Variants in LRRTM2 observed in about 807,000 individuals in gnomAD.
LRRTM2 encodes leucine-rich repeat transmembrane neuronal protein 2.
In LRRTM2, 14 loss-of-function variants were observed where a neutral mutation model predicts 40.7. That is an observed-to-expected ratio of 0.34 (90% CI 0.23 to 0.54). LRRTM2 has a LOEUF of 0.54. Ranked by LOEUF, LRRTM2 falls within the 20% of genes least tolerant of loss-of-function variation. The pLI, the probability that LRRTM2 is intolerant of heterozygous loss-of-function variation, is 0.92. For missense variants in LRRTM2, 468 were observed against 624.4 expected (o/e 0.75, Z 2.67); for synonymous variants, 223 against 237.6 (o/e 0.94, Z 0.57).
chr5:138,870,980 A>G lies in LRRTM2; in HGVS notation c.*2030T>C, dbSNP rs914699306. 2 of 152,204 alleles carry G rather than the reference A, an allele frequency of 1.3e-5. No homozygotes were observed. Among genetic ancestry groups the G allele is most frequent in the Admixed American group, 6.5e-5 (1 of 15,284 alleles). The allele number at this position is 152,204 out of a possible 1,614,324, so 9.4% of individuals were successfully genotyped here. On this transcript the variant is annotated 3_prime_UTR_variant, in exon 2 of 2. Transcript: ENST00000274711. ...ATTGAACTGGGCTGAGACTTTGACA[A>G]ACTAATCTGCCCACCTTAAAAAAGA...
At position 138,874,022 on chromosome 5, in the gene LRRTM2, C is replaced by G; in HGVS notation, c.539G>C (p.Cys180Ser). Residue 180 changes from cysteine to serine, a missense_variant, in exon 2 of 2, where the codon TGT becomes TCT. By Grantham distance (112) the Cys-to-Ser change is moderately radical. Coordinates refer to ENST00000274711, the MANE Select transcript of LRRTM2 (RefSeq NM_015564.3). The surrounding 1 kb of genome is among the most constrained non-coding windows in gnomAD (Gnocchi z 4.1). ...CAAATCCAGAAACTCCAGACTACGA[C>G]AGTCCCAGAACAGGCGTACTGGGAT... ...RTIPVRLFWD[C>S]RSLEFLDLST... The G allele has an allele frequency of 6.2e-7, 1 of 1,614,014 alleles. No homozygotes were observed. The highest frequency in any genetic ancestry group is 1.6e-4 in the Middle Eastern group (1 of 6,062).
rs1283086237 is a variant in LRRTM2, at chr5:138,869,525, T to C, written c.*3485A>G. On this transcript the variant is annotated 3_prime_UTR_variant, in exon 2 of 2. Coordinates refer to ENST00000274711, the MANE Select transcript of LRRTM2 (RefSeq NM_015564.3). ...GCTGTTAAAAATATTCTTTAACAAA[T>C]TTTATATTGATATCCACACTTCAGA... is the stretch of plus-strand genomic sequence containing the variant. 1 of 152,320 alleles carries C rather than the reference T, an allele frequency of 6.6e-6. No individual in the cohort carries two copies. Among genetic ancestry groups the C allele is most frequent in the East Asian group, 1.9e-4 (1 of 5,190 alleles). 9.4% of individuals were successfully genotyped at this position (152,320 alleles called of 1,614,324 possible).
rs1201518685 is a variant in LRRTM2, at chr5:138,870,531, G to T, written c.*2479C>A. 1.3e-5 allele frequency: 2 copies of T among 152,118 alleles called. No homozygotes were observed. Among genetic ancestry groups the T allele is most frequent in the Non-Finnish European group, 2.9e-5 (2 of 68,018 alleles). The allele number at this position is 152,118 out of a possible 1,614,324, so 9.4% of individuals were successfully genotyped here. ...TGGCTGGCTTTTCCAATTTGCTTTT[G>T]TCCGTACACTAAGGATTTTGCCAGT... On this transcript the variant is annotated 3_prime_UTR_variant, in exon 2 of 2. Transcript: ENST00000274711.
In LRRTM2 at chr5:138,874,348, A is replaced by C; in HGVS notation, c.213T>G (p.Asn71Lys). Residue 71 changes from asparagine (N) to lysine (K), a missense_variant, in exon 2 of 2, where the codon AAT becomes AAG. Transcript: ENST00000274711. This position sits in a 1 kb window ranked among gnomAD's most constrained non-coding sequence, Gnocchi z 4.1. ...KGSLGLSLRH[N>K]HITELERDQF... Reference sequence around the variant, plus strand: ...GATCTCTTTCGAGCTCTGTGATGTGATTGTGCCTCAGGGACAGGCCCAGAG... The same window carrying C: ...GATCTCTTTCGAGCTCTGTGATGTGCTTGTGCCTCAGGGACAGGCCCAGAG... The C allele has an allele frequency of 1.2e-6, 2 of 1,613,996 alleles. No homozygotes were observed. The highest frequency in any genetic ancestry group is 1.7e-6 in the Non-Finnish European group (2 of 1,179,900).
Position 138,874,946 on chromosome 5 carries a change from G to A in LRRTM2, c.-35C>T, listed in dbSNP as rs751475574. ...CACATTGGAGGCTGCATTCAGTCGC[G>A]GTTGTTAGACTCAACGCAGTGAGTC... is the stretch of plus-strand genomic sequence containing the variant. On this transcript the variant is annotated 5_prime_UTR_variant, in exon 1 of 2. Coordinates refer to ENST00000274711, the MANE Select transcript of LRRTM2 (RefSeq NM_015564.3). The surrounding 1 kb of genome is among the most constrained non-coding windows in gnomAD (Gnocchi z 4.1). The A allele has an allele frequency of 2.4e-5, 39 of 1,612,684 alleles. No homozygotes were observed. Among genetic ancestry groups the A allele is most frequent in the South Asian group, 9.9e-5 (9 of 91,054 alleles).
Position 138,873,103 on chromosome 5 carries a change from T to C in LRRTM2, c.1458A>G (p.Glu486=), listed in dbSNP as rs1454164252. 2.5e-6 allele frequency: 4 copies of C among 1,613,898 alleles called. No homozygotes were observed. The highest frequency in any genetic ancestry group is 1.3e-5 in the African/African-American group (1 of 74,934). The part of the protein sequence containing the change: ...SNMSDQGPYN[E]YEPTHEGPFI... ...AGGGTCCTTCATGGGTGGGTTCATATTCATTATACGGTCCTTGGTCTGACA... is the reference window on the plus strand; with the variant it reads ...AGGGTCCTTCATGGGTGGGTTCATACTCATTATACGGTCCTTGGTCTGACA... The change falls in exon 2 of 2, where the codon GAA becomes GAG. Residue 486 remains glutamate, a synonymous_variant. Transcript: ENST00000274711. The surrounding 1 kb of genome is among the most constrained non-coding windows in gnomAD (Gnocchi z 6.1).
In LRRTM2 at chr5:138,872,748, TTACA is replaced by T; in HGVS notation, c.*258_*261del. The T allele has an allele frequency of 2.9e-6, 1 of 350,488 alleles. No homozygotes were observed. Among genetic ancestry groups the T allele is most frequent in the South Asian group, 5.9e-5 (1 of 16,956 alleles). The allele number at this position is 350,488 out of a possible 1,614,324, so 21.7% of individuals were successfully genotyped here. A position where few individuals can be genotyped will look rare whatever the true frequency, so the allele number is the denominator to read the frequency against. ...AAGGTTTACACACGATTGTATATAA[TTACA>T]TACATTTCTTATTTTGAAGTAAGCA... is the stretch of plus-strand genomic sequence containing the variant. On this transcript the variant is annotated 3_prime_UTR_variant, in exon 2 of 2. Coordinates refer to ENST00000274711, the MANE Select transcript of LRRTM2 (RefSeq NM_015564.3).
chr5:138,874,804 C>G lies in LRRTM2; in HGVS notation c.4+104G>C. On this transcript the variant is annotated intron_variant, in intron 1 of 1. Coordinates refer to ENST00000274711, the MANE Select transcript of LRRTM2 (RefSeq NM_015564.3). This position sits in a 1 kb window ranked among gnomAD's most constrained non-coding sequence, Gnocchi z 4.1. ...ATGCTTTTACCTAAACCTCAAAATC[C>G]AAAATATGATGGTGATTTCCCTCAT... 8.4e-7 allele frequency: 1 copy of G among 1,193,326 alleles called. No individual in the cohort carries two copies. Among genetic ancestry groups the G allele is most frequent in the Non-Finnish European group, 1.2e-6 (1 of 822,472 alleles). 73.9% of individuals were successfully genotyped at this position (1,193,326 alleles called of 1,614,324 possible).
Position 138,874,016 on chromosome 5 carries a change from C to A in LRRTM2, c.545G>T (p.Ser182Ile). ...IPVRLFWDCR[S>I]LEFLDLSTNR... ...TGTGCTCAAATCCAGAAACTCCAGA[C>A]TACGACAGTCCCAGAACAGGCGTAC... The change falls in exon 2 of 2, where the codon AGT becomes ATT. Residue 182 changes from serine (S) to isoleucine (I), a missense_variant. Transcript: ENST00000274711. This position sits in a 1 kb window ranked among gnomAD's most constrained non-coding sequence, Gnocchi z 4.1. 1 of 1,614,028 alleles carries A rather than the reference C, an allele frequency of 6.2e-7. No individual in the cohort carries two copies. The highest frequency in any genetic ancestry group is 8.5e-7 in the Non-Finnish European group (1 of 1,179,896).
rs1045330892 is a variant in LRRTM2 at position 138,873,586 on chromosome 5, C to T, written c.975G>A (p.Trp325Ter). Residue 325 changes from tryptophan to a stop codon, truncating the protein, a stop_gained, in exon 2 of 2, where the codon TGG becomes TGA. Transcript: ENST00000274711. LOFTEE classifies it high-confidence loss of function. The surrounding 1 kb of genome is among the most constrained non-coding windows in gnomAD (Gnocchi z 6.1). ...CSARICALAS[W>*]LGSFQGRWEH... ...CCCACCGACCTTGGAAACTGCCCAG[C>T]CAGGAGGCCAGAGCACATATTCGGG... 1.2e-6 allele frequency: 2 copies of T among 1,613,972 alleles called. No homozygotes were observed. The highest frequency in any genetic ancestry group is 8.5e-7 in the Non-Finnish European group (1 of 1,179,898).
In LRRTM2 at chr5:138,874,791, A is replaced by C. The variant is rs1751123774; in HGVS notation, c.4+117T>G. The C allele has an allele frequency of 3.8e-6, 4 of 1,058,406 alleles. No individual in the cohort carries two copies. The highest frequency in any genetic ancestry group is 5.7e-6 in the Non-Finnish European group (4 of 706,008). The allele number at this position is 1,058,406 out of a possible 1,614,324, so 65.6% of individuals were successfully genotyped here. On this transcript the variant is annotated intron_variant, in intron 1 of 1. Coordinates refer to ENST00000274711, the MANE Select transcript of LRRTM2 (RefSeq NM_015564.3). This position sits in a 1 kb window ranked among gnomAD's most constrained non-coding sequence, Gnocchi z 4.1. ...TCATCATCGATATATGCTTTTACCT[A>C]AACCTCAAAATCCAAAATATGATGG... is the stretch of plus-strand genomic sequence containing the variant.
chr5:138,869,745 C>T lies in LRRTM2; in HGVS notation c.*3265G>A, dbSNP rs998926236. The T allele has an allele frequency of 1.3e-5, 2 of 152,348 alleles. No individual in the cohort carries two copies. The highest frequency in any genetic ancestry group is 4.8e-5 in the African/African-American group (2 of 41,354). 9.4% of individuals were successfully genotyped at this position (152,348 alleles called of 1,614,324 possible). A position where few individuals can be genotyped will look rare whatever the true frequency, so the allele number is the denominator to read the frequency against. On this transcript the variant is annotated 3_prime_UTR_variant, in exon 2 of 2. Transcript: ENST00000274711. The stretch of plus-strand genomic sequence containing the variant: ...GCAGATGGATTTTAATAATTAGTGG[C>T]GTTGGGAAGTTCAGTCAATTCCATT...
Position 138,873,751 on chromosome 5 carries a change from C to A in LRRTM2, c.810G>T (p.Leu270Phe). The A allele has an allele frequency of 6.2e-7, 1 of 1,614,000 alleles. No homozygotes were observed. Among genetic ancestry groups the A allele is most frequent in the South Asian group, 1.1e-5 (1 of 91,078 alleles). The change falls in exon 2 of 2, where the codon TTG (leucine) becomes TTT (phenylalanine). Residue 270 changes from leucine to phenylalanine, a missense_variant. Transcript: ENST00000274711. The surrounding 1 kb of genome is among the most constrained non-coding windows in gnomAD (Gnocchi z 6.1). ...LTGNEIKAIDLTVFETMPNLK... is the reference protein window; with the variant it reads ...LTGNEIKAIDFTVFETMPNLK... Reference sequence around the variant, plus strand: ...GATTGGGCATCGTTTCAAACACTGTCAAGTCGATGGCTTTGATTTCATTTC... The same window carrying A: ...GATTGGGCATCGTTTCAAACACTGTAAAGTCGATGGCTTTGATTTCATTTC...
rs1232355420 is a variant in LRRTM2 at position 138,870,743 on chromosome 5, AC to A, written c.*2266del. 2.0e-5 allele frequency: 3 copies of A among 152,220 alleles called. No homozygotes were observed. The highest frequency in any genetic ancestry group is 7.2e-5 in the African/African-American group (3 of 41,446). The allele number at this position is 152,220 out of a possible 1,614,324, so 9.4% of individuals were successfully genotyped here. On this transcript the variant is annotated 3_prime_UTR_variant, in exon 2 of 2. Transcript: ENST00000274711. Reference sequence around the variant, plus strand: ...TTGTGTTGTGACCAAGCTGTCTGTCACCTGACAAATGGCAATGGTCATCCTG... The same window carrying A: ...TTGTGTTGTGACCAAGCTGTCTGTCACTGACAAATGGCAATGGTCATCCTG...
In LRRTM2 at chr5:138,871,586, T is replaced by G. The variant is rs573476193; in HGVS notation, c.*1424A>C. The G allele has an allele frequency of 1.3e-5, 2 of 152,368 alleles. No individual in the cohort carries two copies. Among genetic ancestry groups the G allele is most frequent in the East Asian group, 3.9e-4 (2 of 5,190 alleles). 9.4% of individuals were successfully genotyped at this position (152,368 alleles called of 1,614,324 possible). A position where few individuals can be genotyped will look rare whatever the true frequency, so the allele number is the denominator to read the frequency against. On this transcript the variant is annotated 3_prime_UTR_variant, in exon 2 of 2. Transcript: ENST00000274711. ...AGCAGCAGGTCCTTTCCCTGTTTGGTGCAGATTGTGTATAATCATTGTTGG... is the reference window on the plus strand; with the variant it reads ...AGCAGCAGGTCCTTTCCCTGTTTGGGGCAGATTGTGTATAATCATTGTTGG...
chr5:138,874,815 G>A lies in LRRTM2; in HGVS notation c.4+93C>T. On this transcript the variant is annotated intron_variant, in intron 1 of 1. Coordinates refer to ENST00000274711, the MANE Select transcript of LRRTM2 (RefSeq NM_015564.3). The surrounding 1 kb of genome is among the most constrained non-coding windows in gnomAD (Gnocchi z 4.1). Reference sequence around the variant, plus strand: ...TAAACCTCAAAATCCAAAATATGATGGTGATTTCCCTCATAAAATGTGAAT... The same window carrying A: ...TAAACCTCAAAATCCAAAATATGATAGTGATTTCCCTCATAAAATGTGAAT... 2.4e-6 allele frequency: 3 copies of A among 1,241,524 alleles called. No homozygotes were observed. The highest frequency in any genetic ancestry group is 2.6e-5 in the South Asian group (2 of 77,514). 76.9% of individuals were successfully genotyped at this position (1,241,524 alleles called of 1,614,324 possible).
chr5:138,871,403 C>T lies in LRRTM2; in HGVS notation c.*1607G>A, dbSNP rs149557905. 2.8e-3 allele frequency: 422 copies of T among 152,270 alleles called. 3 individuals carry two copies. The highest frequency in any genetic ancestry group is 9.5e-3 in the African/African-American group (395 of 41,542). The allele number at this position is 152,270 out of a possible 1,614,324, so 9.4% of individuals were successfully genotyped here. A position where few individuals can be genotyped will look rare whatever the true frequency, so the allele number is the denominator to read the frequency against. On this transcript the variant is annotated 3_prime_UTR_variant, in exon 2 of 2. Coordinates refer to ENST00000274711, the MANE Select transcript of LRRTM2 (RefSeq NM_015564.3). Reference sequence around the variant, plus strand: ...TTCTGTGTGAATGAGTAGCTTGCATCTAAATTCCAAATATTTAATAGGTTT... The same window carrying T: ...TTCTGTGTGAATGAGTAGCTTGCATTTAAATTCCAAATATTTAATAGGTTT...
In LRRTM2 at chr5:138,873,871, A is replaced by C; in HGVS notation, c.690T>G (p.Ser230Arg). 1 of 1,614,010 alleles carries C rather than the reference A, an allele frequency of 6.2e-7. No homozygotes were observed. The highest frequency in any genetic ancestry group is 1.1e-5 in the South Asian group (1 of 91,074). ...INFAHFLRLS[S>R]LHTLFLQWNK... ...TCCATTGTAAGAAGAGCGTGTGCAG[A>C]CTGCTTAGCCGTAGGAAATGAGCAA... Residue 230 changes from serine to arginine, a missense_variant, in exon 2 of 2, where the codon AGT (serine) becomes AGG (arginine). Ser to Arg is a moderately radical substitution (Grantham distance 110). Coordinates refer to ENST00000274711, the MANE Select transcript of LRRTM2 (RefSeq NM_015564.3). The surrounding 1 kb of genome is among the most constrained non-coding windows in gnomAD (Gnocchi z 6.1).
chr5:138,875,095 G>A lies in LRRTM2; in HGVS notation c.-184C>T, dbSNP rs1380912900. On this transcript the variant is annotated 5_prime_UTR_variant, in exon 1 of 2. Coordinates refer to ENST00000274711, the MANE Select transcript of LRRTM2 (RefSeq NM_015564.3). Reference sequence around the variant, plus strand: ...TTTCCTTAGGATATCCCTCTGGAAAGCATTGGTTTCATTTTCTGTGATTGC... The same window carrying A: ...TTTCCTTAGGATATCCCTCTGGAAAACATTGGTTTCATTTTCTGTGATTGC... 7.2e-6 allele frequency: 4 copies of A among 556,726 alleles called. No individual in the cohort carries two copies. The East Asian group carries it at 9.2e-5, about 13-fold the overall frequency. The allele number at this position is 556,726 out of a possible 1,614,324, so 34.5% of individuals were successfully genotyped here.
Sources: gnomAD v4.1 joint callset for allele counts on GRCh38, gnomAD v4.1.1 for gene constraint, Gnocchi (gnomAD v3.1) non-coding constraint, MANE v1.5 for transcripts, NCBI Gene and HGNC (gene_info 2026-07-23, HGNC 2026-07-21) for gene names.